Variants in AMPD3 observed in about 807,000 individuals in gnomAD.
The protein encoded by AMPD3 is AMP deaminase 3.
In AMPD3, 57 loss-of-function variants were observed where a neutral mutation model predicts 82.3. The observed-to-expected ratio is 0.69, with a 90% CI of 0.56 to 0.86. AMPD3 has a LOEUF of 0.86. Ranked by LOEUF, AMPD3 falls within the 40% of genes least tolerant of loss-of-function variation. The pLI is 0.00. For missense variants in AMPD3, 870 were observed against 1,003.8 expected, an observed-to-expected ratio of 0.87 and a Z score of 1.80; for synonymous variants, 381 against 394.7, an observed-to-expected ratio of 0.97 and a Z score of 0.41.
At position 10,505,945 on chromosome 11, in the gene AMPD3, A is replaced by C; in HGVS notation, c.*61A>C. The C allele has an allele frequency of 6.3e-7, 1 of 1,592,054 alleles. No homozygotes were observed. The highest frequency in any genetic ancestry group is 8.6e-7 in the Non-Finnish European group (1 of 1,162,816). On this transcript the variant is annotated 3_prime_UTR_variant, in exon 15 of 15. Transcript: ENST00000396553. ...CAATTTCAAGTCTGCTGTGGCTAAT[A>C]GTGGTCAAGATTCCGAACTAGGACT...
chr11:10,496,073 C>T (rs758585038), intron 9 of AMPD3: 22 of 311,828 alleles, frequency 7.1e-5, no homozygotes, highest in Non-Finnish European at 9.3e-5. Flanking sequence ...CCCGCCACCA[C>T]GTCTGGCCAA....
intron 4 of AMPD3, 42 bp downstream of exon 4, chr11:10,482,267 G>T: frequency 6.2e-7 from 1 of 1,602,780 alleles, no homozygotes; most frequent in South Asian, 1.1e-5. Context: ...AGTGTGGGCA[G>T]ACCGAGAGCT....
intron 2 of AMPD3, 94 bp from the exon 3 acceptor site, chr11:10,478,432 A>C: frequency 2.5e-6 from 4 of 1,585,392 alleles, no homozygotes; most frequent in South Asian, 1.1e-5. Context: ...TAATCATAGC[A>C]AAATTCTCCT....
intron 2 of AMPD3, among the ~76,000 whole-genome samples, chr11:10,464,899 G>A (rs1293607850): frequency 6.6e-6 from 1 of 152,204 alleles, no homozygotes; most frequent in East Asian, 1.9e-4. Flanking sequence ...ATTAGAAGCA[G>A]GGAGAGAGAC....
intron 1 of AMPD3, among the ~76,000 whole-genome samples, chr11:10,458,469 A>T (rs766398380): frequency 1.3e-5 from 2 of 152,144 alleles, no homozygotes; most frequent in Non-Finnish European, 2.9e-5. Context: ...AGCATTCATC[A>T]TCAAAATAAA....
intron 12 of AMPD3, 50 bp from the exon 13 acceptor site, chr11:10,502,671 C>T: frequency 6.2e-7 from 1 of 1,607,696 alleles, no homozygotes; most frequent in Non-Finnish European, 8.5e-7. Flanking sequence ...TCCCTTTTCC[C>T]TTCTCCCCTC....
At chr11:10,492,202 A>G (rs1849259087) in intron 6 of AMPD3, among the ~76,000 whole-genome samples, 1 of 152,220 alleles carries the variant, frequency 6.6e-6, no homozygotes, top group Non-Finnish European at 1.5e-5. Flanking sequence ...GCCTTCTGCA[A>G]AAAACTGCCT....
At position 10,461,505 on chromosome 11, in the gene AMPD3, T is replaced by C. The variant is rs376360074; in HGVS notation, c.-5-10T>C. On this transcript the variant is annotated splice_polypyrimidine_tract_variant and intron_variant, in intron 1 of 14. Coordinates refer to ENST00000396553, the MANE Select transcript of AMPD3 (RefSeq NM_001025389.2). ...CATCCTGCAATTCATGCTTGTTCTT[T>C]CTTTGCTAGCTGAGATGCCGCGGCA... 4.8e-5 allele frequency: 77 copies of C among 1,614,076 alleles called. No homozygotes were observed. In the South Asian group the frequency reaches 6.3e-4, roughly 13 times the overall value.
intron 2 of AMPD3, among the ~76,000 whole-genome samples, chr11:10,462,641 T>A (rs1007526497): frequency 6.6e-6 from 1 of 151,784 alleles, no homozygotes; most frequent in Non-Finnish European, 1.5e-5. Flanking sequence ...CAGGAGAGGA[T>A]GAGGAATGGA....
upstream of AMPD3, among the ~76,000 whole-genome samples, chr11:10,453,295 G>T (rs911149066): frequency 3.9e-5 from 6 of 152,192 alleles, no homozygotes; most frequent in African/African-American, 1.4e-4. Flanking sequence ...TCCTGAGATT[G>T]CCATAGGTGG....
Position 10,482,191 on chromosome 11 carries a change from G to T in AMPD3, c.555G>T (p.Arg185=). Residue 185 remains arginine, a synonymous_variant, in exon 4 of 15, where the codon CGG becomes CGT. Transcript: ENST00000396553. The part of the protein sequence containing the change: ...RITSQYLGHP[R]ADTAPPEEGL... ...CATCCCAGTACCTGGGTCATCCGCG[G>T]GCGGATACTGCACCTCCGGAAGAGG... 6.2e-7 allele frequency: 1 copy of T among 1,613,254 alleles called. No individual in the cohort carries two copies. Among genetic ancestry groups the T allele is most frequent in the South Asian group, 1.1e-5 (1 of 91,060 alleles).
intron 3 of AMPD3, among the ~76,000 whole-genome samples, chr11:10,479,697 T>A (rs1848846375): frequency 6.6e-6 from 1 of 152,246 alleles, no homozygotes; most frequent in Non-Finnish European, 1.5e-5. Flanking sequence ...TATTTACTTA[T>A]TTTTACAAAA....
chr11:10,464,595 C>CT (rs1848364743), intron 2 of AMPD3, among the ~76,000 whole-genome samples: 1 of 152,286 alleles, frequency 6.6e-6, no homozygotes, highest in African/African-American at 2.4e-5. Context: ...AGCTCCCGCT[C>CT]TGTCCATCGG....
At chr11:10,504,118 CTATCTAT>C in intron 13 of AMPD3, 1 of 7,164 alleles carries the variant, frequency 1.4e-4, no homozygotes, top group South Asian at 8.8e-3. Flanking sequence ...CTTTACTCAT[CTATCTAT>C]CTATCTATCT....
At position 10,475,317 on chromosome 11, in the gene AMPD3, C is replaced by T. The variant is rs1262670006; in HGVS notation, c.222-3209C>T. 3.3e-5 allele frequency among the ~76,000 whole-genome samples: 5 copies of T among 152,114 alleles called. No homozygotes were observed. The East Asian group carries it at 9.6e-4, about 29-fold the overall frequency. ...GCTAGACCATTCATGAAGGATCCAC[C>T]CCCATGATCCAATCACCTCCCACCA... On this transcript the variant is annotated intron_variant, in intron 2 of 14. Coordinates refer to ENST00000396553, the MANE Select transcript of AMPD3 (RefSeq NM_001025389.2).
chr11:10,479,436 A>T (rs749035057), intron 3 of AMPD3, among the ~76,000 whole-genome samples: 5 of 152,216 alleles, frequency 3.3e-5, no homozygotes, highest in Non-Finnish European at 5.9e-5. Context: ...TAGCTGTAGA[A>T]AATATGGTGA....
At chr11:10,483,895 T>A (rs1848988459) in intron 4 of AMPD3, among the ~76,000 whole-genome samples, 1 of 152,262 alleles carries the variant, frequency 6.6e-6, no homozygotes, top group Admixed American at 6.5e-5. Context: ...CAGCTGATCC[T>A]GGATGGTGCT....
chr11:10,464,789 G>A (rs1848372896), intron 2 of AMPD3, among the ~76,000 whole-genome samples: 1 of 152,218 alleles, frequency 6.6e-6, no homozygotes, highest in Admixed American at 6.5e-5. Flanking sequence ...CTCTTTGTCT[G>A]TGGCACCTCC....
intron 7 of AMPD3, chr11:10,494,458 G>A (rs1217596525): frequency 8.5e-6 from 6 of 703,774 alleles, no homozygotes. Context: ...GAACTGTATG[G>A]TTAAAAATGG....
Sources: allele counts gnomAD v4.1 joint callset (sites outside exome capture counted in the v4.1 genomes callset), GRCh38; gene constraint gnomAD v4.1.1; transcripts MANE v1.5; gene names NCBI Gene and HGNC (gene_info 2026-07-23, HGNC 2026-07-21).